GAP43: variants seen among roughly 807,000 people sequenced by gnomAD.
The protein encoded by GAP43 is neuromodulin.
GAP43 carries 6 observed loss-of-function variants against 18.6 expected under a neutral mutation model. That is an observed-to-expected ratio of 0.32 (90% CI 0.18 to 0.64). GAP43 has a LOEUF of 0.64. Ranked by LOEUF, GAP43 falls within the 30% of genes least tolerant of loss-of-function variation. GAP43 has a pLI of 0.78. For missense variants in GAP43, 292 were observed against 295.5 expected (o/e 0.99, Z 0.09); for synonymous variants, 115 against 111.4 (o/e 1.03, Z -0.20).
chr3:115,675,948 T>C, intron 1 of GAP43, 65 bp from the exon 2 acceptor site: 3 of 1,528,326 alleles, frequency 2.0e-6, no homozygotes, highest in Non-Finnish European at 2.6e-6. Context: ...ACTTGTTGAA[T>C]GCTGAGATTT....
intron 2 of GAP43, among the ~76,000 whole-genome samples, chr3:115,694,612 A>G (rs185566073): frequency 1.3e-5 from 2 of 152,350 alleles, no homozygotes; most frequent in Admixed American, 1.3e-4. Flanking sequence ...TCCCTTTTTT[A>G]CAAATGAGGA....
chr3:115,646,576 A>G (rs1708460196), intron 1 of GAP43, among the ~76,000 whole-genome samples: 1 of 152,126 alleles, frequency 6.6e-6, no homozygotes, highest in South Asian at 2.1e-4. Flanking sequence ...AAAAAGAGAG[A>G]GAACTTCAAA....
intron 2 of GAP43, among the ~76,000 whole-genome samples, chr3:115,693,416 C>T (rs969338856): frequency 2.0e-5 from 3 of 152,028 alleles, no homozygotes; most frequent in Non-Finnish European, 4.4e-5. Flanking sequence ...GTGGCTTGGC[C>T]GTCTTGCTAG....
chr3:115,649,249 A>C (rs1271580871), intron 1 of GAP43, among the ~76,000 whole-genome samples: 2 of 152,124 alleles, frequency 1.3e-5, no homozygotes, highest in African/African-American at 2.4e-5. Flanking sequence ...GCAACAAGGA[A>C]TAAATTCACT....
chr3:115,653,945 A>C (rs753571394), intron 1 of GAP43, among the ~76,000 whole-genome samples: 3 of 152,136 alleles, frequency 2.0e-5, no homozygotes, highest in African/African-American at 4.8e-5. Flanking sequence ...ATTTTCTACA[A>C]TACATGGATC....
intron 1 of GAP43, among the ~76,000 whole-genome samples, chr3:115,624,235 A>G (rs1708154670): frequency 6.6e-6 from 1 of 152,142 alleles, no homozygotes; most frequent in Admixed American, 6.5e-5. Context: ...TTTATGGAAA[A>G]ACGTGCAGGT....
At chr3:115,673,850 A>G (rs1261780316) in intron 1 of GAP43, among the ~76,000 whole-genome samples, 1 of 152,196 alleles carries the variant, frequency 6.6e-6, no homozygotes, top group Admixed American at 6.5e-5. Flanking sequence ...CTTTGTGTGT[A>G]TATACATGCA....
chr3:115,660,170 C>T (rs1708640046), intron 1 of GAP43, among the ~76,000 whole-genome samples: 1 of 152,178 alleles, frequency 6.6e-6, no homozygotes, highest in Non-Finnish European at 1.5e-5. Context: ...CAGGTCAAGT[C>T]ATCCTTAACT....
intron 2 of GAP43, among the ~76,000 whole-genome samples, chr3:115,699,391 C>T (rs144612373): frequency 6.6e-6 from 1 of 152,306 alleles, no homozygotes; most frequent in Non-Finnish European, 1.5e-5. Flanking sequence ...TACGCACCCA[C>T]CCAGATCTCC....
rs548025061 is a variant in GAP43 at position 115,626,721 on chromosome 3, G to A, written c.30+3002G>A. On this transcript the variant is annotated intron_variant, in intron 1 of 2. Transcript: ENST00000305124. The stretch of plus-strand genomic sequence containing the variant: ...AATGACTTTAGTTTGTAATTGAAGT[G>A]TAAAGAATTTCATGCAAGCAAGTAG... Among the ~76,000 whole-genome samples the A allele has an allele frequency of 3.9e-5, 6 of 152,268 alleles. No homozygotes were observed. The South Asian group carries it at 1.0e-3, about 26-fold the overall frequency.
At chr3:115,698,212 A>ATATAT (rs1553724646) in intron 2 of GAP43, among the ~76,000 whole-genome samples, 1 of 16,588 alleles carries the variant, frequency 6.0e-5, no homozygotes, top group African/African-American at 1.7e-4. Flanking sequence ...ATATTATATA[A>ATATAT]AATATATAAT....
intron 2 of GAP43, among the ~76,000 whole-genome samples, chr3:115,683,169 AC>A (rs1206391225): frequency 6.6e-6 from 1 of 151,558 alleles, no homozygotes; most frequent in African/African-American, 2.4e-5. Flanking sequence ...ACACACACAC[AC>A]ACACACACAC....
intron 2 of GAP43, 145 bp downstream of exon 2, chr3:115,676,755 C>T (rs1708895902): frequency 3.4e-6 from 3 of 888,894 alleles, no homozygotes; most frequent in Non-Finnish European, 4.9e-6. Context: ...CTTAATTTCC[C>T]AAAGTGGCAG....
At chr3:115,671,194 G>T (rs888151769) in intron 1 of GAP43, among the ~76,000 whole-genome samples, 4 of 152,150 alleles carry the variant, frequency 2.6e-5, no homozygotes, top group African/African-American at 9.6e-5. Flanking sequence ...CATATTGAAT[G>T]CAAATGTTTG....
chr3:115,715,198 G>A (rs557621113), intron 2 of GAP43, among the ~76,000 whole-genome samples: 2 of 152,268 alleles, frequency 1.3e-5, no homozygotes, highest in African/African-American at 4.8e-5. Flanking sequence ...GCATAATACT[G>A]TGACTCATTT....
intron 1 of GAP43, among the ~76,000 whole-genome samples, chr3:115,663,040 G>A (rs1338010506): frequency 6.6e-6 from 1 of 152,132 alleles, no homozygotes; most frequent in African/African-American, 2.4e-5. Flanking sequence ...GTTTCTCCCT[G>A]CAGAACCACA....
At chr3:115,701,130 A>G (rs1709292309) in intron 2 of GAP43, among the ~76,000 whole-genome samples, 1 of 152,158 alleles carries the variant, frequency 6.6e-6, no homozygotes, top group South Asian at 2.1e-4. Context: ...TGTCAGCTTT[A>G]AGTGACTATT....
intron 2 of GAP43, among the ~76,000 whole-genome samples, chr3:115,688,310 C>T (rs1292131305): frequency 1.3e-5 from 2 of 152,064 alleles, no homozygotes; most frequent in Admixed American, 6.5e-5. Flanking sequence ...TAAGCCAGTG[C>T]CCCTGGCCTC....
chr3:115,704,422 T>C (rs539969100), intron 2 of GAP43, among the ~76,000 whole-genome samples: 1 of 152,216 alleles, frequency 6.6e-6, no homozygotes, highest in South Asian at 2.1e-4. Flanking sequence ...CTATTCAACC[T>C]TAGTTACTAA....
Sources: gnomAD v4.1 joint callset for allele counts (sites outside exome capture counted in the v4.1 genomes callset) on GRCh38, gnomAD v4.1.1 for gene constraint, MANE v1.5 for transcripts, NCBI Gene and HGNC (gene_info 2026-07-23, HGNC 2026-07-21) for gene names.